CHD8: variants seen among roughly 807,000 people sequenced by gnomAD.
CHD8 encodes the protein chromodomain helicase DNA binding protein 8, also known as ATP-dependent chromatin remodeler CHD8.
A neutral mutation model predicts 279.2 loss-of-function variants in CHD8; 31 were observed. The observed-to-expected ratio is 0.11, with a 90% CI of 0.08 to 0.15. The LOEUF (loss-of-function observed/expected upper bound fraction) is 0.15, where lower values mean the gene tolerates loss of function less well. Among genes scored for constraint, CHD8 ranks in the 10% least tolerant of loss-of-function variants. CHD8 has a pLI of 1.00. For synonymous variants in CHD8, 1,081 were observed against 1,139.6 expected, an observed-to-expected ratio of 0.95 and a Z score of 1.04; for missense variants, 2,146 against 3,230.5, an observed-to-expected ratio of 0.66 and a Z score of 8.14.
intron 27 of CHD8, among the ~76,000 whole-genome samples, chr14:21,396,461 CCAT>C (rs1887789817): frequency 6.6e-6 from 1 of 152,130 alleles, no homozygotes; most frequent in African/African-American, 2.4e-5. Flanking sequence ...ATACCCACCA[CCAT>C]GCCAGGCTAA....
chr14:21,443,717 G>A (rs1365450608), intron 1 of CHD8, among the ~76,000 whole-genome samples: 3 of 151,836 alleles, frequency 2.0e-5, no homozygotes, highest in Non-Finnish European at 4.4e-5. Context: ...TTAGCTAGGT[G>A]TGGTGGTGGG....
chr14:21,403,158 G>A lies in CHD8; in HGVS notation c.3573C>T (p.Ala1191=), dbSNP rs1439349951. 2.5e-6 allele frequency: 4 copies of A among 1,613,868 alleles called. No homozygotes were observed. The highest frequency in any genetic ancestry group is 1.3e-5 in the African/African-American group (1 of 74,908). ...GRVRGNLRQA[A]IDRFSKPDSD... is the part of the protein sequence containing the mutation. ...AGTCAGGCTTGCTGAAGCGGTCAATGGCAGCCTGTCGAAGGTTGCCTCTAA... is the reference window on the plus strand; with the variant it reads ...AGTCAGGCTTGCTGAAGCGGTCAATAGCAGCCTGTCGAAGGTTGCCTCTAA... The change falls in exon 18 of 38, where the codon GCC becomes GCT. Residue 1191 remains alanine (A), a synonymous_variant. Transcript: ENST00000646647. This position sits in a 1 kb window ranked among gnomAD's most constrained non-coding sequence, Gnocchi z 4.3.
intron 13 of CHD8, among the ~76,000 whole-genome samples, 197 bp from the exon 14 acceptor site, chr14:21,407,229 T>G (rs1306829889): frequency 1.3e-5 from 2 of 152,172 alleles, no homozygotes; most frequent in African/African-American, 4.8e-5. Flanking sequence ...CTCAACATAT[T>G]CAGCTTCTTG....
intron 1 of CHD8, among the ~76,000 whole-genome samples, chr14:21,451,016 CAATA>C (rs554047453): frequency 8.2e-4 from 125 of 152,136 alleles, no homozygotes; most frequent in African/African-American, 2.8e-3. Flanking sequence ...AAGTCATATA[CAATA>C]AATATCTATG....
At chr14:21,433,140 A>T (rs1413664922) in intron 1 of CHD8, among the ~76,000 whole-genome samples, 1 of 152,218 alleles carries the variant, frequency 6.6e-6, no homozygotes. Flanking sequence ...GCTAATCAAA[A>T]AACAGTTAAT....
intron 16 of CHD8, among the ~76,000 whole-genome samples, chr14:21,404,398 TAAA>T (rs974957250): frequency 5.1e-5 from 5 of 98,668 alleles, no homozygotes; most frequent in Admixed American, 1.1e-4. Flanking sequence ...AACTCCATCT[TAAA>T]AAAAAAAAAA....
At chr14:21,407,633 C>T (rs1415201984) in intron 13 of CHD8, among the ~76,000 whole-genome samples, 1 of 151,612 alleles carries the variant, frequency 6.6e-6, no homozygotes, top group Non-Finnish European at 1.5e-5. Flanking sequence ...TTTTGAGACA[C>T]AGTCTCACTC....
rs115581954 is a variant in CHD8, at chr14:21,437,328, C to T, written c.-215-5470G>A. The T allele has an allele frequency of 3.3e-3, 3,523 of 1,053,172 alleles. 87 individuals are homozygous for T. The African/African-American group carries it at 0.055, about 17-fold the overall frequency. The allele number at this position is 1,053,172 out of a possible 1,614,324, so 65.2% of individuals were successfully genotyped here. A position where few individuals can be genotyped will look rare whatever the true frequency, so the allele number is the denominator to read the frequency against. On this transcript the variant is annotated intron_variant, in intron 1 of 37. Transcript: ENST00000646647. ...TTGGCTGAAGCGCACTGCCACTCAC[C>T]AAAGGCGAAAAGACGCAAAACAGCG... is the stretch of plus-strand genomic sequence containing the variant.
intron 10 of CHD8, among the ~76,000 whole-genome samples, chr14:21,411,131 C>T (rs1447643857): frequency 6.6e-6 from 1 of 152,056 alleles, no homozygotes; most frequent in African/African-American, 2.4e-5. Context: ...AGGCCAATTG[C>T]TTTTAGAAGG....
At chr14:21,394,605 CA>C (rs3068337) in intron 30 of CHD8, 120 bp from the exon 31 acceptor site, 4,207 of 108,302 alleles carry the variant, frequency 0.039, no homozygotes, top group East Asian at 0.082. Context: ...AAAGTAGACG[CA>C]AAAAAAAAAA....
intron 5 of CHD8, among the ~76,000 whole-genome samples, chr14:21,424,481 G>GA (rs1296198605): frequency 2.0e-5 from 3 of 150,344 alleles, no homozygotes; most frequent in Non-Finnish European, 4.4e-5. Flanking sequence ...GTTTTGTTTT[G>GA]TTTTTTTGAG....
chr14:21,423,478 T>C (rs189873858), intron 5 of CHD8, among the ~76,000 whole-genome samples: 106 of 152,082 alleles, frequency 7.0e-4, no homozygotes, highest in African/African-American at 2.5e-3. Context: ...GGGTCCCCCC[T>C]CTCAACACAG....
rs766064676 is a variant in CHD8 at position 21,397,921 on chromosome 14, G to A, written c.4953C>T (p.Asp1651=). The change falls in exon 27 of 38, where the codon GAC becomes GAT. Residue 1651 remains aspartate (D), a synonymous_variant. Coordinates refer to ENST00000646647, the MANE Select transcript of CHD8 (RefSeq NM_001170629.2). ...GYEKYNTMRA[D]PALCFLEKAG... Reference sequence around the variant, plus strand: ...CCTTTTCTAGGAAACATAAGGCTGGGTCTGCCCTCATGGTATTATATTTCT... The same window carrying A: ...CCTTTTCTAGGAAACATAAGGCTGGATCTGCCCTCATGGTATTATATTTCT... The A allele has an allele frequency of 1.2e-6, 2 of 1,610,862 alleles. No homozygotes were observed. Among genetic ancestry groups the A allele is most frequent in the Admixed American group, 3.4e-5 (2 of 59,492 alleles).
At position 21,423,442 on chromosome 14, in the gene CHD8, G is replaced by A. The variant is rs79298910; in HGVS notation, c.1716+2686C>T. 9.0e-3 allele frequency among the ~76,000 whole-genome samples: 1,368 copies of A among 152,030 alleles called. 21 individuals carry two copies. The highest frequency in any genetic ancestry group is 0.031 in the African/African-American group (1,303 of 41,464). ...ACATTAATCCATTCATGAGGGTAAC[G>A]CCTTCATGACCTAATCACCTCTTAA... On this transcript the variant is annotated intron_variant, in intron 5 of 37. Transcript: ENST00000646647.
chr14:21,445,893 G>A (rs988999088), intron 1 of CHD8, among the ~76,000 whole-genome samples: 6 of 152,146 alleles, frequency 3.9e-5, no homozygotes, highest in East Asian at 1.9e-4. Context: ...CCAGCTACTC[G>A]GGAGGCTGAG....
chr14:21,423,486 C>T (rs1165185736), intron 5 of CHD8, among the ~76,000 whole-genome samples: 3 of 152,094 alleles, frequency 2.0e-5, no homozygotes, highest in African/African-American at 7.2e-5. Flanking sequence ...CCTCTCAACA[C>T]AGTTGCATGG....
chr14:21,422,386 G>C (rs573811861), intron 5 of CHD8, among the ~76,000 whole-genome samples: 1 of 152,264 alleles, frequency 6.6e-6, no homozygotes, highest in East Asian at 1.9e-4. Context: ...CACCTAGTCT[G>C]TGGTATTTTG....
intron 2 of CHD8, 100 bp from the exon 3 acceptor site, chr14:21,429,435 C>T (rs1455044050): frequency 1.6e-5 from 20 of 1,218,712 alleles, no homozygotes; most frequent in Non-Finnish European, 2.4e-5. Flanking sequence ...ATAAAAACTA[C>T]AGGTCAGAAG....
chr14:21,400,963 C>T lies in CHD8; in HGVS notation c.4282G>A (p.Glu1428Lys). ...TCATGTCTGCGGGAGCGTGGCCGCT[C>T]ATCATCCTCACTTTCCAAATCAGAG... ...EFSDLESEDD[E>K]RPRSRRHDRH... The change falls in exon 22 of 38, where the codon GAG becomes AAG. Residue 1428 changes from glutamate to lysine, a missense_variant. Around this residue, in one of 26 missense-constraint regions of CHD8, gnomAD observed 74 missense variants for 91.5 expected, o/e 0.81. Coordinates refer to ENST00000646647, the MANE Select transcript of CHD8 (RefSeq NM_001170629.2). The surrounding 1 kb of genome is among the most constrained non-coding windows in gnomAD (Gnocchi z 4.2). 6.2e-7 allele frequency: 1 copy of T among 1,614,008 alleles called. No homozygotes were observed.
Sources: allele counts gnomAD v4.1 joint callset (sites outside exome capture counted in the v4.1 genomes callset), GRCh38; gene constraint gnomAD v4.1.1; regional missense constraint gnomAD v4.1.1; non-coding constraint Gnocchi (gnomAD v3.1); transcripts MANE v1.5; gene names NCBI Gene and HGNC (gene_info 2026-07-23, HGNC 2026-07-21).